Variants in MPPED1 observed in about 807,000 individuals in gnomAD.
MPPED1 encodes metallophosphoesterase domain containing 1.
A neutral mutation model predicts 36.2 loss-of-function variants in MPPED1; 16 were observed. That is an observed-to-expected ratio of 0.44 (90% CI 0.30 to 0.67). MPPED1 has a LOEUF of 0.67. Among genes scored for constraint, MPPED1 ranks in the 30% least tolerant of loss-of-function variants. MPPED1 has a pLI of 0.10. For missense variants in MPPED1, 307 were observed against 453.4 expected (o/e 0.68, Z 2.93); for synonymous variants, 199 against 191.3 (o/e 1.04, Z -0.33).
At chr22:43,425,580 A>T (rs1239096972) in intron 2 of MPPED1, among the ~76,000 whole-genome samples, 1 of 152,220 alleles carries the variant, frequency 6.6e-6, no homozygotes, top group Non-Finnish European at 1.5e-5. Flanking sequence ...CGGGGGCCAC[A>T]TTCCCGATCC....
rs1259214561 is a variant in MPPED1 at position 43,495,491 on chromosome 22, G to A, written c.633-2744G>A. 3.1e-4 allele frequency among the ~76,000 whole-genome samples: 8 copies of A among 26,022 alleles called. 1 individual carries two copies. Among genetic ancestry groups the A allele is most frequent in the East Asian group, 1.5e-3 (1 of 658 alleles). 17.1% of individuals were successfully genotyped at this position (26,022 alleles called of 152,430 possible). ...GGTGATGGTGGAGGTGGTGGTGGAG[G>A]TAGTGGTGGTGGAGGTGGTGGTGGT... is the stretch of plus-strand genomic sequence containing the variant. On this transcript the variant is annotated intron_variant, in intron 4 of 6. Transcript: ENST00000443721.
At chr22:43,418,381 C>A in intron 1 of MPPED1, 1 of 342,334 alleles carries the variant, frequency 2.9e-6, no homozygotes, top group Non-Finnish European at 5.8e-6. Context: ...GTGCAATCCT[C>A]CAAGATCTTC....
intron 3 of MPPED1, among the ~76,000 whole-genome samples, chr22:43,467,260 G>T (rs1037811103): frequency 5.3e-5 from 8 of 152,348 alleles, no homozygotes; most frequent in African/African-American, 1.9e-4. Flanking sequence ...TGCTAAGGGT[G>T]TCTGGAAGCA....
At chr22:43,487,528 A>G (rs1016484365) in intron 4 of MPPED1, among the ~76,000 whole-genome samples, 2 of 152,136 alleles carry the variant, frequency 1.3e-5, no homozygotes, top group Non-Finnish European at 2.9e-5. Flanking sequence ...GCTGGAGTGG[A>G]GGAATGACAT....
chr22:43,505,355 T>G, intron 6 of MPPED1, 143 bp from the exon 7 acceptor site: 1 of 632,236 alleles, frequency 1.6e-6, no homozygotes, highest in Non-Finnish European at 2.8e-6. Context: ...ATTTTACAGA[T>G]GAAGGGACTG....
At chr22:43,437,163 C>G (rs1793896562) in intron 3 of MPPED1, among the ~76,000 whole-genome samples, 1 of 152,214 alleles carries the variant, frequency 6.6e-6, no homozygotes, top group African/African-American at 2.4e-5. Context: ...AACTCACCCA[C>G]TGCACAAAGC....
intron 2 of MPPED1, among the ~76,000 whole-genome samples, chr22:43,429,261 G>T (rs1206280461): frequency 6.6e-6 from 1 of 152,158 alleles, no homozygotes; most frequent in Non-Finnish European, 1.5e-5. Flanking sequence ...AGTGCTGTGT[G>T]GCTCCTTGGC....
rs1929241685 is a variant in MPPED1, at chr22:43,420,734, C to T, written c.-78-4174C>T. Among the ~76,000 whole-genome samples the T allele has an allele frequency of 2.0e-5, 3 of 152,208 alleles. 1 individual carries two copies. The South Asian group carries it at 6.2e-4, about 32-fold the overall frequency. On this transcript the variant is annotated intron_variant, in intron 1 of 6. Coordinates refer to ENST00000443721, the MANE Select transcript of MPPED1 (RefSeq NM_001044370.2). ...ACCTTTCTTGATCACCCAATTTAGTCAAACCATCACCCTGTTCTGTCTTTT... is the reference window on the plus strand; with the variant it reads ...ACCTTTCTTGATCACCCAATTTAGTTAAACCATCACCCTGTTCTGTCTTTT...
intron 6 of MPPED1, among the ~76,000 whole-genome samples, chr22:43,504,030 A>G (rs1407625330): frequency 1.3e-5 from 2 of 152,172 alleles, no homozygotes; most frequent in Non-Finnish European, 1.5e-5. Flanking sequence ...AAAGTACATG[A>G]CAATGATGAT....
intron 3 of MPPED1, among the ~76,000 whole-genome samples, chr22:43,440,994 C>T (rs1601961040): frequency 6.6e-6 from 1 of 152,092 alleles, no homozygotes; most frequent in Admixed American, 6.5e-5. Context: ...AGGCCTCTCA[C>T]CCACCTTCTT....
chr22:43,423,605 T>TA (rs1289960574), intron 1 of MPPED1, among the ~76,000 whole-genome samples: 1 of 152,180 alleles, frequency 6.6e-6, no homozygotes, highest in Non-Finnish European at 1.5e-5. Flanking sequence ...GATCAAGATT[T>TA]AAAAAAATTA....
chr22:43,469,322 TC>T lies in MPPED1; in HGVS notation c.407-5409del, dbSNP rs1355383438. Among the ~76,000 whole-genome samples the T allele has an allele frequency of 3.9e-5, 6 of 152,130 alleles. No individual in the cohort carries two copies. The East Asian group carries it at 1.2e-3, about 29-fold the overall frequency. On this transcript the variant is annotated intron_variant, in intron 3 of 6. Coordinates refer to ENST00000443721, the MANE Select transcript of MPPED1 (RefSeq NM_001044370.2). The stretch of plus-strand genomic sequence containing the variant: ...GAAGAGTTTGTATTCATTTAATTTT[TC>T]CCCCATAAAGCCCCTGAAAATCAAT...
At chr22:43,424,521 C>G (rs1002719977) in intron 1 of MPPED1, among the ~76,000 whole-genome samples, 1 of 152,162 alleles carries the variant, frequency 6.6e-6, no homozygotes, top group African/African-American at 2.4e-5. Context: ...AAAAGTAAAA[C>G]TTAACTCACC....
chr22:43,480,969 A>AGCT (rs1401166384), intron 4 of MPPED1, among the ~76,000 whole-genome samples: 2 of 151,814 alleles, frequency 1.3e-5, no homozygotes, highest in Non-Finnish European at 2.9e-5. Context: ...GATTACAGGT[A>AGCT]GCTGCCATCA....
chr22:43,470,201 TATCCATTC>T (rs1931326300), intron 3 of MPPED1, among the ~76,000 whole-genome samples: 1 of 151,182 alleles, frequency 6.6e-6, no homozygotes, highest in South Asian at 2.1e-4. Flanking sequence ...ACCATCCATC[TATCCATTC>T]ATCCATCCAT....
chr22:43,496,556 A>G (rs370803484), intron 4 of MPPED1, among the ~76,000 whole-genome samples: 9 of 13,936 alleles, frequency 6.5e-4, no homozygotes, highest in African/African-American at 2.5e-3. Context: ...GGTGGTGGAG[A>G]TAGTGGTGGT....
At chr22:43,416,605 T>G (rs1243505267) in intron 1 of MPPED1, 1 of 152,198 alleles carries the variant, frequency 6.6e-6, no homozygotes, top group East Asian at 1.9e-4. Flanking sequence ...TACCTCCTAT[T>G]TCCTTTTGTG....
At chr22:43,486,047 A>AC (rs1299917464) in intron 4 of MPPED1, among the ~76,000 whole-genome samples, 1 of 152,164 alleles carries the variant, frequency 6.6e-6, no homozygotes, top group African/African-American at 2.4e-5. Flanking sequence ...GTCAGGGCAA[A>AC]CCCCTCTCAC....
chr22:43,500,371 G>GGTGGTGGA (rs1932683311), intron 5 of MPPED1, among the ~76,000 whole-genome samples: 11 of 119,646 alleles, frequency 9.2e-5, no homozygotes, highest in South Asian at 8.3e-4. Context: ...GTGGTGATGG[G>GGTGGTGGA]GGTGGTGGTG....
Sources: gnomAD v4.1 joint callset for allele counts (sites outside exome capture counted in the v4.1 genomes callset) on GRCh38, gnomAD v4.1.1 for gene constraint, MANE v1.5 for transcripts, NCBI Gene and HGNC (gene_info 2026-07-23, HGNC 2026-07-21) for gene names.